Variants in ZFAT observed in about 807,000 individuals in gnomAD.
ZFAT encodes the protein zinc finger and AT-hook domain containing, also known as zinc finger protein ZFAT.
A neutral mutation model predicts 117.7 loss-of-function variants in ZFAT; 64 were observed. The ratio of observed to expected loss-of-function variants is 0.54; its 90% CI spans 0.44 to 0.67. ZFAT has a LOEUF of 0.67. ZFAT is among the 30% of genes least tolerant of loss of function. The probability of loss-of-function intolerance (pLI) is 0.00; values close to 1 mark genes in which losing one functional copy is unlikely to be tolerated. For synonymous variants in ZFAT, 679 were observed against 615.0 expected (o/e 1.10, Z -1.54); for missense variants, 1,433 against 1,584.5 (o/e 0.90, Z 1.62).
chr8:134,685,490 T>A (rs1833275974), intron 1 of ZFAT, among the ~76,000 whole-genome samples: 1 of 152,238 alleles, frequency 6.6e-6, no homozygotes, highest in Non-Finnish European at 1.5e-5. Flanking sequence ...GGGACTCTGC[T>A]GTGTTTGTTA....
chr8:134,713,029 G>GACTCCATCCGCC lies in ZFAT; in HGVS notation c.-167_-166insGGCGGATGGAGT. On this transcript the variant is annotated 5_prime_UTR_variant, in exon 1 of 16. It adds an upstream start codon to the 5' untranslated region. Transcript: ENST00000377838. ...CGAATCTGCGGCATCCAACATGGCG[G>GACTCCATCCGCC]ATGGAGTCTTCGCCCTCCTCCCCAC... is the stretch of plus-strand genomic sequence containing the variant. The GACTCCATCCGCC allele has an allele frequency of 2.6e-6, 2 of 777,404 alleles. No individual in the cohort carries two copies. The highest frequency in any genetic ancestry group is 3.7e-6 in the Non-Finnish European group (2 of 546,102). The allele number at this position is 777,404 out of a possible 1,614,324, so 48.2% of individuals were successfully genotyped here.
the ZFAT span, among the ~76,000 whole-genome samples, chr8:134,747,960 T>A: frequency 6.6e-6 from 1 of 152,258 alleles, no homozygotes; most frequent in South Asian, 2.1e-4. Flanking sequence ...TTATTTCTGA[T>A]AATAAATGTG....
At chr8:134,658,299 T>C (rs895227044) in intron 1 of ZFAT, among the ~76,000 whole-genome samples, 3 of 139,534 alleles carry the variant, frequency 2.2e-5, no homozygotes, top group Non-Finnish European at 4.5e-5. Context: ...ATCACGCCAC[T>C]GCACTCCAGC....
At chr8:134,634,228 C>T (rs984840987) in intron 3 of ZFAT, among the ~76,000 whole-genome samples, 1 of 152,148 alleles carries the variant, frequency 6.6e-6, no homozygotes, top group Admixed American at 6.5e-5. Context: ...TTATCTGCCA[C>T]ATTAGTGAGT....
At chr8:134,717,666 TTAG>T (rs780329805), upstream of ZFAT, among the ~76,000 whole-genome samples, 11 of 150,616 alleles carry the variant, frequency 7.3e-5, no homozygotes, top group Non-Finnish European at 1.3e-4. Flanking sequence ...TTTTGTATTT[TTAG>T]TAGAGACGGG....
chr8:134,773,103 A>C, the ZFAT span, among the ~76,000 whole-genome samples: 6 of 150,490 alleles, frequency 4.0e-5, no homozygotes, highest in African/African-American at 1.5e-4. Flanking sequence ...CAAAAAAAAA[A>C]AAAAAAAAAT....
intron 2 of ZFAT, among the ~76,000 whole-genome samples, chr8:134,647,483 A>G (rs1356824539): frequency 6.6e-6 from 1 of 152,168 alleles, no homozygotes. Flanking sequence ...AAGGGTGCCT[A>G]CTCTCACCAC....
the ZFAT span, among the ~76,000 whole-genome samples, chr8:134,780,928 T>C: frequency 2.6e-5 from 4 of 152,224 alleles, no homozygotes; most frequent in African/African-American, 9.6e-5. Flanking sequence ...TTTGCAATTA[T>C]AATTACCCGC....
chr8:134,642,360 T>C (rs11995122), intron 2 of ZFAT, among the ~76,000 whole-genome samples: 3,206 of 152,246 alleles, frequency 0.021, 113 homozygotes, highest in African/African-American at 0.071. Flanking sequence ...AGCCTCCGTT[T>C]CCAATGCGAA....
At chr8:134,769,838 C>T in the ZFAT span, among the ~76,000 whole-genome samples, 1 of 152,246 alleles carries the variant, frequency 6.6e-6, no homozygotes, top group Admixed American at 6.5e-5. Flanking sequence ...CAATTCTTGA[C>T]TTCTGTGCAC....
intron 15 of ZFAT, among the ~76,000 whole-genome samples, chr8:134,491,017 A>G (rs1344425603): frequency 1.3e-5 from 2 of 152,214 alleles, no homozygotes; most frequent in African/African-American, 4.8e-5. Flanking sequence ...TGTGGGCAAC[A>G]ATGCATCAGA....
At chr8:134,494,311 G>GC (rs1563770509) in intron 15 of ZFAT, among the ~76,000 whole-genome samples, 1 of 152,124 alleles carries the variant, frequency 6.6e-6, no homozygotes, top group African/African-American at 2.4e-5. Context: ...AATCACCCCC[G>GC]TGACCATCCT....
At chr8:134,812,956 T>C in the ZFAT span, among the ~76,000 whole-genome samples, 1 of 152,210 alleles carries the variant, frequency 6.6e-6, no homozygotes, top group African/African-American at 2.4e-5. Flanking sequence ...AGAGCATTGG[T>C]AGACTGGCTT....
chr8:134,819,508 C>T, the ZFAT span, among the ~76,000 whole-genome samples: 7 of 103,256 alleles, frequency 6.8e-5, no homozygotes, highest in East Asian at 3.7e-4. Context: ...CCCCCCCCCC[C>T]GCCCCCCAAC....
chr8:134,780,055 C>G, the ZFAT span, among the ~76,000 whole-genome samples: 4 of 152,270 alleles, frequency 2.6e-5, no homozygotes, highest in South Asian at 8.3e-4. Flanking sequence ...CAGCTGCTGT[C>G]CAAAACATCT....
intron 1 of ZFAT, among the ~76,000 whole-genome samples, chr8:134,671,130 A>G (rs570619605): frequency 2.7e-4 from 41 of 152,316 alleles, no homozygotes; most frequent in African/African-American, 8.7e-4. Context: ...CAACCAAAAA[A>G]AGTCCAGGAC....
the ZFAT span, among the ~76,000 whole-genome samples, chr8:134,788,727 G>T: frequency 0.98 from 149,357 of 152,232 alleles, 73,305 homozygotes; most frequent in African/African-American, 1. Flanking sequence ...TATGTCATTC[G>T]TGCTTTATGT....
intron 7 of ZFAT, among the ~76,000 whole-genome samples, chr8:134,596,446 GAATAA>G (rs1225327774): frequency 6.6e-6 from 1 of 152,150 alleles, no homozygotes; most frequent in East Asian, 1.9e-4. Context: ...GGTGGGTGGT[GAATAA>G]AATAATTTTT....
chr8:134,743,085 T>A, the ZFAT span, among the ~76,000 whole-genome samples: 4 of 152,228 alleles, frequency 2.6e-5, no homozygotes, highest in Non-Finnish European at 5.9e-5. Flanking sequence ...AAGTGGCCGA[T>A]CCATGACTGA....
Sources: gnomAD v4.1 joint callset for allele counts (sites outside exome capture counted in the v4.1 genomes callset) on GRCh38, gnomAD v4.1.1 for gene constraint, MANE v1.5 for transcripts, NCBI Gene and HGNC (gene_info 2026-07-23, HGNC 2026-07-21) for gene names.